Variants in GFOD1 observed in about 807,000 individuals in gnomAD.
The protein encoded by GFOD1 is Gfo/Idh/MocA-like oxidoreductase domain containing 1.
GFOD1 carries 9 observed loss-of-function variants against 25.4 expected under a neutral mutation model. The ratio of observed to expected loss-of-function variants is 0.35; its 90% CI spans 0.21 to 0.62. The LOEUF (loss-of-function observed/expected upper bound fraction) is 0.62. GFOD1 is among the 20% of genes least tolerant of loss of function. The probability of loss-of-function intolerance (pLI) is 0.72; values close to 1 mark genes in which losing one functional copy is unlikely to be tolerated. For missense variants in GFOD1, 403 were observed against 556.9 expected (o/e 0.72, Z 2.78); for synonymous variants, 253 against 245.6 (o/e 1.03, Z -0.28).
At chr6:13,411,596 G>A (rs1468227662) in intron 1 of GFOD1, among the ~76,000 whole-genome samples, 1 of 152,062 alleles carries the variant, frequency 6.6e-6, no homozygotes, top group African/African-American at 2.4e-5. Context: ...CTGGCCCTCA[G>A]CTGCCCATTT....
intron 1 of GFOD1, among the ~76,000 whole-genome samples, chr6:13,416,569 G>A (rs1786167045): frequency 6.6e-6 from 1 of 152,186 alleles, no homozygotes; most frequent in South Asian, 2.1e-4. Context: ...CGGCTGCTGT[G>A]CCATCACAAA....
At chr6:13,366,861 A>G (rs1444403436) in intron 1 of GFOD1, among the ~76,000 whole-genome samples, 2 of 152,092 alleles carry the variant, frequency 1.3e-5, no homozygotes, top group East Asian at 3.8e-4. Context: ...ATTTTAAGAT[A>G]TTTAAGTAAC....
intron 1 of GFOD1, chr6:13,486,113 C>T: frequency 1.0e-6 from 1 of 987,032 alleles, no homozygotes; most frequent in Non-Finnish European, 1.2e-6. Flanking sequence ...AGGGCGCCAC[C>T]GCTGCTGAAG....
intron 1 of GFOD1, among the ~76,000 whole-genome samples, chr6:13,416,629 G>C (rs1212051297): frequency 6.6e-6 from 1 of 152,218 alleles, no homozygotes; most frequent in Non-Finnish European, 1.5e-5. Flanking sequence ...GGCTAGGTCT[G>C]TAGTCCTTGG....
rs1368811948 is a variant in GFOD1 at position 13,486,784 on chromosome 6, T to G, written c.107A>C (p.Gln36Pro). Reference protein sequence around the residue: ...FAVKALWGRTQEEAEELAKEM... With the variant: ...FAVKALWGRTPEEAEELAKEM... The stretch of plus-strand genomic sequence containing the variant: ...CTTGGCCAGCTCCTCCGCTTCTTCC[T>G]GCGTGCGGCCCCACAGCGCCTTCAC... The change falls in exon 1 of 2, where the codon CAG (glutamine) becomes CCG (proline). Residue 36 changes from glutamine (Q) to proline (P), a missense_variant. Transcript: ENST00000379287. The G allele has an allele frequency of 2.5e-6, 4 of 1,613,992 alleles. No individual in the cohort carries two copies. The highest frequency in any genetic ancestry group is 3.4e-6 in the Non-Finnish European group (4 of 1,180,008).
chr6:13,469,605 A>G, intron 1 of GFOD1: 1 of 1,077,616 alleles, frequency 9.3e-7, no homozygotes, highest in Non-Finnish European at 1.1e-6. Flanking sequence ...ACTTGTTCTT[A>G]GCCATGTACA....
At chr6:13,426,706 G>A (rs1051869187) in intron 1 of GFOD1, among the ~76,000 whole-genome samples, 5 of 152,190 alleles carry the variant, frequency 3.3e-5, no homozygotes, top group East Asian at 1.9e-4. Flanking sequence ...CAGGCCCATC[G>A]CAAGGCAACC....
At chr6:13,469,895 A>G (rs1194775622) in intron 1 of GFOD1, 1 of 1,283,450 alleles carries the variant, frequency 7.8e-7, no homozygotes, top group African/African-American at 1.5e-5. Context: ...AATCTGGCAC[A>G]TGGTAAGTAC....
chr6:13,426,257 C>A (rs985974302), intron 1 of GFOD1, among the ~76,000 whole-genome samples: 7 of 152,258 alleles, frequency 4.6e-5, no homozygotes, highest in South Asian at 2.1e-4. Flanking sequence ...GCCACACACG[C>A]CCCCAGGCAG....
At chr6:13,448,702 T>C (rs1758045829) in intron 1 of GFOD1, among the ~76,000 whole-genome samples, 1 of 152,192 alleles carries the variant, frequency 6.6e-6, no homozygotes, top group African/African-American at 2.4e-5. Flanking sequence ...CTCCTGGGCA[T>C]ACAGCTAAAG....
At chr6:13,466,245 T>C (rs1175321280) in intron 1 of GFOD1, among the ~76,000 whole-genome samples, 1 of 152,210 alleles carries the variant, frequency 6.6e-6, no homozygotes, top group Non-Finnish European at 1.5e-5. Flanking sequence ...CCATATGGCA[T>C]GGAGTTTTGA....
At position 13,409,564 on chromosome 6, in the gene GFOD1, G is replaced by A. The variant is rs528459069; in HGVS notation, c.254-43902C>T. Among the ~76,000 whole-genome samples, 5 of 152,248 alleles carry A rather than the reference G, an allele frequency of 3.3e-5. No homozygotes were observed. The East Asian group carries it at 7.7e-4, about 23-fold the overall frequency. The stretch of plus-strand genomic sequence containing the variant: ...TTTACAAGCAGAAATAATTTAAAGG[G>A]AGTATAACACATAGTTTATTTAATA... On this transcript the variant is annotated intron_variant, in intron 1 of 1. Transcript: ENST00000379287.
chr6:13,438,782 C>G (rs1757870948), intron 1 of GFOD1, among the ~76,000 whole-genome samples: 1 of 152,132 alleles, frequency 6.6e-6, no homozygotes, highest in Non-Finnish European at 1.5e-5. Context: ...TACCCCAGCC[C>G]AGTGGTGAAC....
At chr6:13,475,247 C>T (rs551843050) in intron 1 of GFOD1, among the ~76,000 whole-genome samples, 1 of 152,276 alleles carries the variant, frequency 6.6e-6, no homozygotes, top group South Asian at 2.1e-4. Context: ...TAACAAGATA[C>T]TTCTACATAC....
chr6:13,385,287 C>A (rs2127559670), intron 1 of GFOD1, among the ~76,000 whole-genome samples: 1 of 152,316 alleles, frequency 6.6e-6, no homozygotes, highest in Middle Eastern at 3.4e-3. Context: ...AGATTCCACC[C>A]AGGTACCTGC....
intron 1 of GFOD1, among the ~76,000 whole-genome samples, chr6:13,427,548 G>C (rs1232947631): frequency 6.6e-6 from 1 of 152,158 alleles, no homozygotes; most frequent in Non-Finnish European, 1.5e-5. Context: ...CTACTCAGCA[G>C]ACTGAGGCAG....
intron 1 of GFOD1, among the ~76,000 whole-genome samples, chr6:13,418,930 G>C (rs192439526): frequency 1.3e-5 from 2 of 152,338 alleles, no homozygotes; most frequent in South Asian, 2.1e-4. Flanking sequence ...CTAGAAGGAA[G>C]TCAAACAGGT....
intron 1 of GFOD1, among the ~76,000 whole-genome samples, chr6:13,466,459 A>G (rs2841556): frequency 0.92 from 139,695 of 152,106 alleles, 65,286 homozygotes; most frequent in East Asian, 1. Context: ...GAAGAAGGGT[A>G]ACTACATGCC....
In GFOD1 at chr6:13,363,357, C is replaced by G. The variant is rs1784977073; in HGVS notation, c.*1386G>C. 6.6e-6 allele frequency: 1 copy of G among 152,104 alleles called. No homozygotes were observed. Among genetic ancestry groups the G allele is most frequent in the South Asian group, 2.1e-4 (1 of 4,810 alleles). 9.4% of individuals were successfully genotyped at this position (152,104 alleles called of 1,614,324 possible). On this transcript the variant is annotated 3_prime_UTR_variant, in exon 2 of 2. Transcript: ENST00000379287. ...GTGCAAGGACAAGACAGACAGCAGA[C>G]CAATTAGAAGAACATGTTTTTTCCA...
Sources: gnomAD v4.1 joint callset for allele counts (sites outside exome capture counted in the v4.1 genomes callset) on GRCh38, gnomAD v4.1.1 for gene constraint, MANE v1.5 for transcripts, NCBI Gene and HGNC (gene_info 2026-07-23, HGNC 2026-07-21) for gene names.